Variants in NBAS observed in about 807,000 individuals in gnomAD.
NBAS encodes the protein NBAS subunit of NRZ tethering complex, also known as NAG/BC035112 fusion.
Under a neutral mutation model 302.5 loss-of-function variants are expected in NBAS, and 219 were observed. That is an observed-to-expected ratio of 0.72 (90% CI 0.65 to 0.81). The LOEUF (loss-of-function observed/expected upper bound fraction) is 0.81. NBAS is among the 30% of genes least tolerant of loss of function. The pLI is 0.00. For synonymous variants in NBAS, 1,118 were observed against 1,021.6 expected (o/e 1.09, Z -1.80); for missense variants, 2,932 against 2,841.6 (o/e 1.03, Z -0.72).
the NBAS span, among the ~76,000 whole-genome samples, chr2:14,989,149 G>A: frequency 6.6e-6 from 1 of 152,066 alleles, no homozygotes. Context: ...AAGATCATAG[G>A]TGTAACATGA....
At chr2:15,426,782 G>A (rs1033943616) in intron 22 of NBAS, among the ~76,000 whole-genome samples, 1 of 152,074 alleles carries the variant, frequency 6.6e-6, no homozygotes, top group Non-Finnish European at 1.5e-5. Flanking sequence ...TCTTCCTGCT[G>A]GAGTCTAACC....
chr2:15,098,263 A>ATATT, the NBAS span, among the ~76,000 whole-genome samples: 7 of 4,368 alleles, frequency 1.6e-3, 1 homozygote, highest in East Asian at 0.023. Context: ...TATATAATAT[A>ATATT]GTGTATACTA....
the NBAS span, among the ~76,000 whole-genome samples, chr2:14,844,758 G>T: frequency 6.6e-6 from 1 of 152,190 alleles, no homozygotes; most frequent in Admixed American, 6.5e-5. Context: ...ATCAGCAGTA[G>T]GCTGGCAGTA....
chr2:15,080,445 C>T, the NBAS span, among the ~76,000 whole-genome samples: 1 of 152,196 alleles, frequency 6.6e-6, no homozygotes, highest in Non-Finnish European at 1.5e-5. Flanking sequence ...TGAAGCTCTC[C>T]CCAGTCTGGG....
chr2:15,409,899 T>G (rs1209684786), intron 25 of NBAS, among the ~76,000 whole-genome samples: 1 of 152,224 alleles, frequency 6.6e-6, no homozygotes, highest in Non-Finnish European at 1.5e-5. Context: ...GGTTTTGCTT[T>G]TGCTGCTACC....
At chr2:15,285,505 A>T (rs1004930130) in intron 42 of NBAS, among the ~76,000 whole-genome samples, 1 of 152,120 alleles carries the variant, frequency 6.6e-6, no homozygotes. Context: ...GCATATCCAC[A>T]ACATCACTAT....
At chr2:15,064,612 G>A in the NBAS span, among the ~76,000 whole-genome samples, 3 of 151,994 alleles carry the variant, frequency 2.0e-5, no homozygotes, top group African/African-American at 4.8e-5. Flanking sequence ...AAGACCGTAT[G>A]GTTTCACTTA....
chr2:15,035,271 C>T, the NBAS span, among the ~76,000 whole-genome samples: 1 of 152,128 alleles, frequency 6.6e-6, no homozygotes, highest in African/African-American at 2.4e-5. Context: ...ATCAAAACCA[C>T]AATGAGATAC....
At chr2:14,937,138 A>C in the NBAS span, among the ~76,000 whole-genome samples, 1 of 152,312 alleles carries the variant, frequency 6.6e-6, no homozygotes, top group African/African-American at 2.4e-5. Context: ...AAGAGTGAAG[A>C]GGGAGACTTT....
Position 15,275,670 on chromosome 2 carries a change from C to T in NBAS, c.5538G>A (p.Leu1846=). ...KDGQMLSPSS[L]YTIWLQKLFW... ...ACAACTTCTGTAACCAGATGGTGTA[C>T]AGAGAGCTTGGGGAAAGCATCTGTC... Residue 1846 remains leucine, a synonymous_variant, in exon 44 of 52, where the codon CTG becomes CTA. Transcript: ENST00000281513. 6.2e-7 allele frequency: 1 copy of T among 1,614,180 alleles called. No individual in the cohort carries two copies. Among genetic ancestry groups the T allele is most frequent in the Non-Finnish European group, 8.5e-7 (1 of 1,180,040 alleles).
At chr2:15,501,235 A>C (rs1572937086) in intron 11 of NBAS, among the ~76,000 whole-genome samples, 1 of 151,804 alleles carries the variant, frequency 6.6e-6, no homozygotes. Context: ...TGGCAGGTGG[A>C]GCTTGCAGTG....
chr2:15,457,227 G>A (rs1679288295), intron 21 of NBAS, among the ~76,000 whole-genome samples: 2 of 152,144 alleles, frequency 1.3e-5, no homozygotes, highest in Admixed American at 6.5e-5. Context: ...AGAGTCTAGT[G>A]ACTTGTTTCA....
the NBAS span, among the ~76,000 whole-genome samples, chr2:14,835,239 G>A: frequency 5.3e-5 from 8 of 151,886 alleles, no homozygotes; most frequent in African/African-American, 1.5e-4. Context: ...ATCAGTAGAA[G>A]TGTCCATTAA....
chr2:15,434,917 C>G (rs191623023), intron 21 of NBAS, among the ~76,000 whole-genome samples: 2 of 152,146 alleles, frequency 1.3e-5, no homozygotes, highest in Non-Finnish European at 2.9e-5. Flanking sequence ...ATTCCACTCC[C>G]TATTCTGTAA....
At chr2:14,830,834 G>A in the NBAS span, among the ~76,000 whole-genome samples, 1 of 152,190 alleles carries the variant, frequency 6.6e-6, no homozygotes, top group Admixed American at 6.5e-5. Flanking sequence ...GTGTCCAGTG[G>A]TGTGCTGATA....
At chr2:15,354,048 G>A (rs942261804) in intron 33 of NBAS, among the ~76,000 whole-genome samples, 1 of 152,188 alleles carries the variant, frequency 6.6e-6, no homozygotes, top group Non-Finnish European at 1.5e-5. Context: ...AGGGCCTGCT[G>A]CAACCCTGCT....
intron 38 of NBAS, among the ~76,000 whole-genome samples, chr2:15,321,251 G>A (rs10165333): frequency 3.9e-5 from 6 of 152,008 alleles, no homozygotes; most frequent in African/African-American, 7.2e-5. Flanking sequence ...AATTCAAGAC[G>A]GATTAAAGAC....
chr2:14,959,318 A>T, the NBAS span, among the ~76,000 whole-genome samples: 7 of 152,224 alleles, frequency 4.6e-5, no homozygotes, highest in Non-Finnish European at 8.8e-5. Flanking sequence ...GAATCATCGT[A>T]TTAACCCTCT....
intron 50 of NBAS, among the ~76,000 whole-genome samples, chr2:15,180,943 C>G (rs1664790262): frequency 6.6e-6 from 1 of 152,184 alleles, no homozygotes; most frequent in South Asian, 2.1e-4. Context: ...AACTATACTT[C>G]CTCCGCAAAA....
Sources: allele counts gnomAD v4.1 joint callset (sites outside exome capture counted in the v4.1 genomes callset), GRCh38; gene constraint gnomAD v4.1.1; transcripts MANE v1.5; gene names NCBI Gene and HGNC (gene_info 2026-07-23, HGNC 2026-07-21).